The following EXOC4 variants were observed in gnomAD, a reference collection of about 807,000 sequenced individuals.
The protein encoded by EXOC4 is exocyst complex component 4.
Under a neutral mutation model 107.2 loss-of-function variants are expected in EXOC4, and 71 were observed. That is an observed-to-expected ratio of 0.66 (90% CI 0.55 to 0.81). The LOEUF is 0.81. EXOC4 is among the 30% of genes least tolerant of loss of function. The probability of loss-of-function intolerance (pLI) is 0.00; values close to 1 mark genes in which losing one functional copy is unlikely to be tolerated. For missense variants in EXOC4, 1,108 were observed against 1,189.6 expected (o/e 0.93, Z 1.01); for synonymous variants, 456 against 441.2 (o/e 1.03, Z -0.42).
intron 10 of EXOC4, among the ~76,000 whole-genome samples, chr7:133,754,848 G>T (rs1480371711): frequency 1.3e-5 from 2 of 152,068 alleles, no homozygotes; most frequent in Non-Finnish European, 2.9e-5. Context: ...CTAAATTGAT[G>T]CTTTCTTTTT....
intron 9 of EXOC4, among the ~76,000 whole-genome samples, chr7:133,486,708 G>A (rs1799275513): frequency 6.6e-6 from 1 of 151,804 alleles, no homozygotes; most frequent in Non-Finnish European, 1.5e-5. Flanking sequence ...TTCTGTTTTA[G>A]CCTCTAAAAT....
At chr7:133,342,978 C>T (rs1795699699) in intron 5 of EXOC4, among the ~76,000 whole-genome samples, 2 of 152,048 alleles carry the variant, frequency 1.3e-5, no homozygotes, top group African/African-American at 4.8e-5. Flanking sequence ...GCTGGTGCCT[C>T]CTTGAGTAGC....
chr7:133,946,865 C>G (rs1800563408), intron 14 of EXOC4, among the ~76,000 whole-genome samples: 1 of 152,210 alleles, frequency 6.6e-6, no homozygotes, highest in Non-Finnish European at 1.5e-5. Flanking sequence ...CACATCTACT[C>G]TGGTTTTCCC....
intron 9 of EXOC4, among the ~76,000 whole-genome samples, chr7:133,506,306 A>G (rs889488077): frequency 1.3e-5 from 2 of 152,088 alleles, no homozygotes; most frequent in African/African-American, 4.8e-5. Context: ...CCCCTCAAAA[A>G]ATTACATTCT....
intron 9 of EXOC4, among the ~76,000 whole-genome samples, chr7:133,582,364 T>G (rs1801299623): frequency 6.6e-6 from 1 of 152,228 alleles, no homozygotes; most frequent in Non-Finnish European, 1.5e-5. Context: ...CCACATTTTC[T>G]TTATCCAGTC....
chr7:134,019,517 G>T (rs4546584), intron 17 of EXOC4, among the ~76,000 whole-genome samples: 111,722 of 152,034 alleles, frequency 0.73, 41,926 homozygotes, highest in East Asian at 0.91. Flanking sequence ...TGACATGAAC[G>T]TTAGTAAATG....
At chr7:133,538,880 A>AGAGAGGGAGG (rs1554469430) in intron 9 of EXOC4, among the ~76,000 whole-genome samples, 1 of 102,362 alleles carries the variant, frequency 9.8e-6, no homozygotes, top group African/African-American at 3.9e-5. Context: ...AGAGAGAGAG[A>AGAGAGGGAGG]GAGGGAGGGA....
At chr7:133,766,907 C>T (rs1796149325) in intron 10 of EXOC4, among the ~76,000 whole-genome samples, 1 of 151,908 alleles carries the variant, frequency 6.6e-6, no homozygotes, top group African/African-American at 2.4e-5. Flanking sequence ...GAGTCTTTCC[C>T]ATTTCATTCA....
intron 13 of EXOC4, among the ~76,000 whole-genome samples, chr7:133,935,209 G>C (rs1800271584): frequency 6.6e-6 from 1 of 151,976 alleles, no homozygotes; most frequent in African/African-American, 2.4e-5. Context: ...AGCTACTGCA[G>C]CCCCAGTTGC....
intron 6 of EXOC4, among the ~76,000 whole-genome samples, chr7:133,370,760 T>C (rs1015980923): frequency 2.6e-5 from 4 of 152,222 alleles, no homozygotes; most frequent in African/African-American, 9.6e-5. Context: ...CTCCTCAGTG[T>C]TGCTCAAGCC....
chr7:133,425,262 T>G (rs188753241), intron 7 of EXOC4, among the ~76,000 whole-genome samples: 12 of 152,306 alleles, frequency 7.9e-5, no homozygotes, highest in Non-Finnish European at 2.9e-5. Context: ...GTCATTTGAA[T>G]GGACTTCCTC....
chr7:133,570,320 T>C (rs753843435), intron 9 of EXOC4, among the ~76,000 whole-genome samples: 1 of 152,204 alleles, frequency 6.6e-6, no homozygotes, highest in Non-Finnish European at 1.5e-5. Context: ...TTAGTCACAT[T>C]ATTTTATAGT....
intron 5 of EXOC4, among the ~76,000 whole-genome samples, chr7:133,324,201 T>A (rs1381926409): frequency 6.6e-6 from 1 of 152,200 alleles, no homozygotes; most frequent in African/African-American, 2.4e-5. Context: ...TTTTTTGGTC[T>A]CTCTTTTCTT....
chr7:133,530,647 A>G (rs1800164907), intron 9 of EXOC4, among the ~76,000 whole-genome samples: 1 of 152,238 alleles, frequency 6.6e-6, no homozygotes, highest in Non-Finnish European at 1.5e-5. Context: ...CTAAAGAGAA[A>G]TGAAAGCACA....
Position 133,997,606 on chromosome 7 carries a change from G to T in EXOC4, c.2321G>T (p.Cys774Phe). 4 of 1,613,424 alleles carry T rather than the reference G, an allele frequency of 2.5e-6. No individual in the cohort carries two copies. The highest frequency in any genetic ancestry group is 3.4e-6 in the Non-Finnish European group (4 of 1,179,704). ...AKSFQDMADR[C>F]LLVLHLEVRV... is the part of the protein sequence containing the mutation. ...TCGTTCCAGGATATGGCTGACCGCT[G>T]CTTGCTTGTCTTACATCTGGAAGTG... Residue 774 changes from cysteine (C) to phenylalanine (F), a missense_variant, in exon 15 of 18, where the codon TGC (cysteine) becomes TTC (phenylalanine). Transcript: ENST00000253861.
At chr7:133,677,291 C>T in intron 10 of EXOC4, among the ~76,000 whole-genome samples, 1 of 151,908 alleles carries the variant, frequency 6.6e-6, no homozygotes, top group Non-Finnish European at 1.5e-5. Flanking sequence ...TTCCATAAGC[C>T]TTCTACCAAA....
At chr7:133,976,080 G>A (rs1404294298) in intron 14 of EXOC4, among the ~76,000 whole-genome samples, 2 of 152,122 alleles carry the variant, frequency 1.3e-5, no homozygotes, top group East Asian at 3.9e-4. Context: ...TGTCCGGGGG[G>A]CCTGCAGGTA....
intron 5 of EXOC4, among the ~76,000 whole-genome samples, chr7:133,321,660 A>G (rs928515421): frequency 2.6e-5 from 4 of 152,146 alleles, no homozygotes; most frequent in Non-Finnish European, 5.9e-5. Flanking sequence ...AGTCTTTGCT[A>G]TTGTGTATAG....
chr7:133,751,485 C>A, intron 10 of EXOC4, among the ~76,000 whole-genome samples: 1 of 152,172 alleles, frequency 6.6e-6, no homozygotes, highest in East Asian at 1.9e-4. Flanking sequence ...GGGGGTGTTA[C>A]ATCTTTTCAG....
Sources: allele counts gnomAD v4.1 joint callset (sites outside exome capture counted in the v4.1 genomes callset), GRCh38; gene constraint gnomAD v4.1.1; transcripts MANE v1.5; gene names NCBI Gene and HGNC (gene_info 2026-07-23, HGNC 2026-07-21).